The following MYO3A variants were observed in gnomAD, a reference collection of about 807,000 sequenced individuals.
The protein encoded by MYO3A is myosin-IIIa.
In MYO3A, 180 loss-of-function variants were observed where a neutral mutation model predicts 192.7. The ratio of observed to expected loss-of-function variants is 0.93; its 90% CI spans 0.83 to 1.06. The LOEUF (loss-of-function observed/expected upper bound fraction) is 1.06. Ranked by LOEUF, MYO3A falls within the 50% of genes least tolerant of loss-of-function variation. The probability of loss-of-function intolerance (pLI) is 0.00; values close to 1 mark genes in which losing one functional copy is unlikely to be tolerated. For synonymous variants in MYO3A, 628 were observed against 645.3 expected (o/e 0.97, Z 0.41); for missense variants, 1,896 against 1,905.0 (o/e 1.00, Z 0.09).
chr10:25,954,014 A>G (rs1837379226), intron 3 of MYO3A, among the ~76,000 whole-genome samples: 1 of 152,138 alleles, frequency 6.6e-6, no homozygotes, highest in African/African-American at 2.4e-5. Flanking sequence ...TTTCTTTTCA[A>G]GAGAGGAGTT....
rs375107935 is a variant in MYO3A, at chr10:26,173,968, C to A, written c.3704C>A (p.Ala1235Asp). ...SNLRKVEKEEAMIQSYYQRYT... is the reference protein window; with the variant it reads ...SNLRKVEKEEDMIQSYYQRYT... ...CTAAGGAAAGTGGAGAAAGAGGAAG[C>A]TATGATCCAGAGTTACTATCAGAGG... The change falls in exon 30 of 35, where the codon GCT (alanine) becomes GAT (aspartate). Residue 1235 changes from alanine (A) to aspartate (D), a missense_variant. Coordinates refer to ENST00000642920, the MANE Select transcript of MYO3A (RefSeq NM_017433.5). 6.2e-7 allele frequency: 1 copy of A among 1,607,576 alleles called. No homozygotes were observed. The highest frequency in any genetic ancestry group is 1.3e-5 in the African/African-American group (1 of 74,304).
At chr10:26,070,694 T>C (rs1396213639) in intron 14 of MYO3A, among the ~76,000 whole-genome samples, 1 of 152,044 alleles carries the variant, frequency 6.6e-6, no homozygotes, top group African/African-American at 2.4e-5. Flanking sequence ...TTTTTCTCCT[T>C]TTGTTGCTAG....
chr10:26,189,879 AT>A (rs1218300310), intron 31 of MYO3A, among the ~76,000 whole-genome samples: 3 of 152,092 alleles, frequency 2.0e-5, no homozygotes, highest in South Asian at 2.1e-4. Flanking sequence ...GCTGGCTAAC[AT>A]GCTGAAACCC....
chr10:26,138,289 T>C (rs564273576), intron 20 of MYO3A, among the ~76,000 whole-genome samples: 5 of 152,214 alleles, frequency 3.3e-5, no homozygotes, highest in Admixed American at 3.3e-4. Flanking sequence ...CTGACACTTA[T>C]GGAAAATAGA....
intron 17 of MYO3A, among the ~76,000 whole-genome samples, chr10:26,115,257 G>A (rs1838431461): frequency 6.6e-6 from 1 of 152,182 alleles, no homozygotes. Context: ...CCAGAGGCAA[G>A]GAGACTGGTC....
intron 10 of MYO3A, among the ~76,000 whole-genome samples, chr10:26,037,004 A>G (rs1357125995): frequency 1.3e-5 from 2 of 152,214 alleles, no homozygotes; most frequent in Non-Finnish European, 2.9e-5. Flanking sequence ...TAGAGTCCCA[A>G]TCCTGCCGTC....
intron 31 of MYO3A, among the ~76,000 whole-genome samples, chr10:26,190,161 T>C (rs552620272): frequency 6.6e-6 from 1 of 152,226 alleles, no homozygotes; most frequent in African/African-American, 2.4e-5. Flanking sequence ...ACCACAGTTA[T>C]TAAATGAGTC....
chr10:26,170,862 TTCC>T (rs1294335758), intron 29 of MYO3A, among the ~76,000 whole-genome samples: 2 of 152,244 alleles, frequency 1.3e-5, no homozygotes, highest in African/African-American at 4.8e-5. Context: ...CTCTCATTCA[TTCC>T]AGTGGCTTTA....
At chr10:25,938,469 A>C (rs1204117130) in intron 2 of MYO3A, among the ~76,000 whole-genome samples, 4 of 152,200 alleles carry the variant, frequency 2.6e-5, no homozygotes, top group Admixed American at 1.3e-4. Context: ...TCTGATTTCT[A>C]TGCTGAGATC....
At chr10:26,030,177 T>G (rs1244556446) in intron 10 of MYO3A, among the ~76,000 whole-genome samples, 1 of 152,180 alleles carries the variant, frequency 6.6e-6, no homozygotes, top group African/African-American at 2.4e-5. Flanking sequence ...TTCAGTTCCT[T>G]TACTCTCCAG....
intron 6 of MYO3A, among the ~76,000 whole-genome samples, chr10:25,999,150 G>A (rs1037590203): frequency 9.2e-5 from 14 of 152,058 alleles, no homozygotes; most frequent in East Asian, 3.9e-4. Flanking sequence ...CACCCGTCTC[G>A]GCCTCCCAAA....
At chr10:26,108,847 A>G (rs959912807) in intron 17 of MYO3A, among the ~76,000 whole-genome samples, 1 of 152,150 alleles carries the variant, frequency 6.6e-6, no homozygotes, top group Non-Finnish European at 1.5e-5. Context: ...ATCTTTACCA[A>G]CTGGGTGAGG....
At chr10:26,062,692 G>A (rs1233175881) in intron 10 of MYO3A, among the ~76,000 whole-genome samples, 6 of 152,012 alleles carry the variant, frequency 3.9e-5, no homozygotes, top group African/African-American at 1.5e-4. Flanking sequence ...ATTGAGGACT[G>A]TACACCTTAG....
intron 23 of MYO3A, among the ~76,000 whole-genome samples, chr10:26,153,577 T>C (rs1418403793): frequency 6.6e-6 from 1 of 152,204 alleles, no homozygotes; most frequent in East Asian, 1.9e-4. Context: ...TCAATCATAA[T>C]CATCTCAAGT....
At chr10:26,008,660 A>T (rs1370021135) in intron 6 of MYO3A, among the ~76,000 whole-genome samples, 3 of 151,740 alleles carry the variant, frequency 2.0e-5, no homozygotes, top group Admixed American at 6.6e-5. Context: ...GAGAAATGCA[A>T]ATCAAAACCA....
At chr10:26,008,240 G>A (rs1252746650) in intron 6 of MYO3A, among the ~76,000 whole-genome samples, 1 of 147,680 alleles carries the variant, frequency 6.8e-6, no homozygotes, top group Non-Finnish European at 1.5e-5. Flanking sequence ...ATTCAAGATG[G>A]ATTAAAGACT....
intron 14 of MYO3A, among the ~76,000 whole-genome samples, chr10:26,079,818 G>A (rs1430316838): frequency 6.6e-6 from 1 of 152,130 alleles, no homozygotes; most frequent in East Asian, 1.9e-4. Flanking sequence ...GCTGATAATT[G>A]TTTTGTTTGA....
intron 4 of MYO3A, among the ~76,000 whole-genome samples, chr10:25,987,556 A>G (rs1349553571): frequency 6.6e-6 from 1 of 152,172 alleles, no homozygotes; most frequent in African/African-American, 2.4e-5. Flanking sequence ...GACATGAGTA[A>G]ACAATTCTCA....
intron 4 of MYO3A, among the ~76,000 whole-genome samples, chr10:25,958,728 G>A (rs1837724750): frequency 6.6e-6 from 1 of 152,144 alleles, no homozygotes; most frequent in Non-Finnish European, 1.5e-5. Context: ...CCATGAGCAT[G>A]GAATGTTTTT....
Sources: gnomAD v4.1 joint callset for allele counts (sites outside exome capture counted in the v4.1 genomes callset) on GRCh38, gnomAD v4.1.1 for gene constraint, MANE v1.5 for transcripts, NCBI Gene and HGNC (gene_info 2026-07-23, HGNC 2026-07-21) for gene names.